SORCS2: variants seen among roughly 807,000 people sequenced by gnomAD.
The protein encoded by SORCS2 is sortilin related VPS10 domain containing receptor 2, also known as VPS10 domain-containing receptor SorCS2.
A neutral mutation model predicts 141.6 loss-of-function variants in SORCS2; 100 were observed. The ratio of observed to expected loss-of-function variants is 0.71; its 90% CI spans 0.60 to 0.83. The LOEUF (loss-of-function observed/expected upper bound fraction) is 0.83, where lower values mean the gene tolerates loss of function less well. Ranked by LOEUF, SORCS2 falls within the 40% of genes least tolerant of loss-of-function variation. The pLI is 0.00. For missense variants in SORCS2, 1,646 were observed against 1,560.2 expected, an observed-to-expected ratio of 1.05 and a Z score of -0.93; for synonymous variants, 789 against 676.9, an observed-to-expected ratio of 1.17 and a Z score of -2.57.
intron 14 of SORCS2, among the ~76,000 whole-genome samples, chr4:7,706,886 G>T (rs971746716): frequency 3.9e-5 from 6 of 152,216 alleles, no homozygotes; most frequent in African/African-American, 1.4e-4. Context: ...AGGTTGGGCA[G>T]ACGCAACCCC....
chr4:7,511,095 G>C (rs188600513), intron 2 of SORCS2, among the ~76,000 whole-genome samples: 2 of 152,260 alleles, frequency 1.3e-5, no homozygotes, highest in South Asian at 2.1e-4. Flanking sequence ...ATGAGGGAGA[G>C]AATGGCTCAC....
intron 2 of SORCS2, among the ~76,000 whole-genome samples, chr4:7,489,727 ATGTTCACAGACGGAGTCTG>A (rs1293154316): frequency 2.8e-5 from 4 of 144,658 alleles, no homozygotes; most frequent in Non-Finnish European, 6.2e-5. Flanking sequence ...TGCATTTCTG[ATGTTCACAGACGGAGTCTG>A]TGTTTTGGAA....
intron 3 of SORCS2, among the ~76,000 whole-genome samples, chr4:7,583,800 C>T (rs188332043): frequency 1.3e-5 from 2 of 152,298 alleles, no homozygotes; most frequent in East Asian, 1.9e-4. Context: ...TCATCAGCAG[C>T]GTGAAAACAG....
chr4:7,421,291 C>T (rs1577532586), intron 2 of SORCS2, among the ~76,000 whole-genome samples: 1 of 152,224 alleles, frequency 6.6e-6, no homozygotes, highest in African/African-American at 2.4e-5. Flanking sequence ...TGTGTCTCCT[C>T]TCTGCTCTAG....
At chr4:7,281,429 G>A (rs535970471) in intron 1 of SORCS2, among the ~76,000 whole-genome samples, 4 of 152,232 alleles carry the variant, frequency 2.6e-5, no homozygotes, top group African/African-American at 9.6e-5. Flanking sequence ...CTGCGCTCTG[G>A]AGACCTTGCC....
chr4:7,691,038 ACAGT>A (rs1202229077), intron 11 of SORCS2, among the ~76,000 whole-genome samples: 1 of 152,184 alleles, frequency 6.6e-6, no homozygotes, highest in Admixed American at 6.5e-5. Context: ...GGGGTCTGTG[ACAGT>A]CAGACAGGCA....
At chr4:7,227,461 C>T (rs1266621060) in intron 1 of SORCS2, among the ~76,000 whole-genome samples, 1 of 152,238 alleles carries the variant, frequency 6.6e-6, no homozygotes, top group Non-Finnish European at 1.5e-5. Flanking sequence ...ATCACGTCCT[C>T]CACAGCCTCC....
At chr4:7,696,820 C>T (rs1724741673) in intron 11 of SORCS2, among the ~76,000 whole-genome samples, 1 of 152,346 alleles carries the variant, frequency 6.6e-6, no homozygotes, top group African/African-American at 2.4e-5. Flanking sequence ...TCGGCCATGT[C>T]CTGCCCTGCT....
At chr4:7,581,445 G>C (rs1303885617) in intron 3 of SORCS2, among the ~76,000 whole-genome samples, 1 of 152,060 alleles carries the variant, frequency 6.6e-6, no homozygotes, top group East Asian at 1.9e-4. Flanking sequence ...AAAGTCCATG[G>C]CCTTTTGATC....
At chr4:7,467,757 G>A (rs1018748278) in intron 2 of SORCS2, among the ~76,000 whole-genome samples, 1 of 152,232 alleles carries the variant, frequency 6.6e-6, no homozygotes, top group Non-Finnish European at 1.5e-5. Flanking sequence ...ATGAGGGGCT[G>A]CATTCCAAAG....
intron 1 of SORCS2, among the ~76,000 whole-genome samples, chr4:7,253,147 G>C (rs764389028): frequency 6.6e-6 from 1 of 152,234 alleles, no homozygotes; most frequent in African/African-American, 2.4e-5. Context: ...TGGCCGTCCC[G>C]GCCTTTGAGG....
At position 7,546,589 on chromosome 4, in the gene SORCS2, G is replaced by A. The variant is rs560279166; in HGVS notation, c.648+14960G>A. ...CCTGAGAGCAGCTGAGGGAACCCACGTGTGCAGGGTGACCGTGACACCTGG... is the reference window on the plus strand; with the variant it reads ...CCTGAGAGCAGCTGAGGGAACCCACATGTGCAGGGTGACCGTGACACCTGG... On this transcript the variant is annotated intron_variant, in intron 3 of 26. Coordinates refer to ENST00000507866, the MANE Select transcript of SORCS2 (RefSeq NM_020777.3). Among the ~76,000 whole-genome samples, 222 of 152,060 alleles carry A rather than the reference G, an allele frequency of 1.5e-3. 1 individual carries two copies. Among genetic ancestry groups the A allele is most frequent in the South Asian group, 1.7e-3 (8 of 4,820 alleles).
intron 2 of SORCS2, among the ~76,000 whole-genome samples, chr4:7,442,844 G>A (rs141827192): frequency 4.7e-4 from 72 of 152,022 alleles, no homozygotes; most frequent in African/African-American, 1.5e-3. Context: ...GAAAACAACC[G>A]GAACTCCTTT....
rs950244811 is a variant in SORCS2, at chr4:7,541,797, G to A, written c.648+10168G>A. On this transcript the variant is annotated intron_variant, in intron 3 of 26. Coordinates refer to ENST00000507866, the MANE Select transcript of SORCS2 (RefSeq NM_020777.3). ...TTTCAGCCTTAAACATGCAGCACAC[G>A]GGGCGTGTGGACATGATGGTGCAGC... Among the ~76,000 whole-genome samples the A allele has an allele frequency of 2.6e-5, 4 of 152,342 alleles. No homozygotes were observed. In the East Asian group the frequency reaches 7.7e-4, roughly 29 times the overall value.
chr4:7,587,850 C>G (rs574032385), intron 3 of SORCS2, among the ~76,000 whole-genome samples: 1 of 152,372 alleles, frequency 6.6e-6, no homozygotes, highest in South Asian at 2.1e-4. Context: ...CCCGTTAGGC[C>G]GGCCCATCCA....
chr4:7,593,857 C>G (rs1717080736), intron 3 of SORCS2, among the ~76,000 whole-genome samples: 1 of 152,196 alleles, frequency 6.6e-6, no homozygotes, highest in South Asian at 2.1e-4. Flanking sequence ...ACCTCTGCCC[C>G]TCTCGGGAGC....
chr4:7,302,791 G>A (rs568153917), intron 1 of SORCS2, among the ~76,000 whole-genome samples: 4 of 110,344 alleles, frequency 3.6e-5, no homozygotes, highest in East Asian at 4.8e-4. Flanking sequence ...GTGTGTGTGC[G>A]CGCGCGTGTG....
chr4:7,270,239 C>T (rs186814045), intron 1 of SORCS2, among the ~76,000 whole-genome samples: 3 of 152,370 alleles, frequency 2.0e-5, no homozygotes, highest in African/African-American at 7.2e-5. Context: ...TACCTGTGAA[C>T]GGGGCCGCAG....
chr4:7,448,734 CG>C (rs1560292761), intron 2 of SORCS2, among the ~76,000 whole-genome samples: 1 of 87,412 alleles, frequency 1.1e-5, no homozygotes, highest in African/African-American at 4.8e-5. Flanking sequence ...CCCTCCCTTC[CG>C]TACTTCCTCT....
Sources: allele counts gnomAD v4.1 joint callset (sites outside exome capture counted in the v4.1 genomes callset), GRCh38; gene constraint gnomAD v4.1.1; transcripts MANE v1.5; gene names NCBI Gene and HGNC (gene_info 2026-07-23, HGNC 2026-07-21).